The following STARD13 variants were observed in gnomAD, a reference collection of about 807,000 sequenced individuals.
STARD13 encodes the protein stAR-related lipid transfer protein 13.
In STARD13, 62 loss-of-function variants were observed where a neutral mutation model predicts 106.4. That is an observed-to-expected ratio of 0.58 (90% CI 0.48 to 0.72). The LOEUF is 0.72. Among genes scored for constraint, STARD13 ranks in the 30% least tolerant of loss-of-function variants. The probability of loss-of-function intolerance (pLI) is 0.00; values close to 1 mark genes in which losing one functional copy is unlikely to be tolerated. For missense variants in STARD13, 1,387 were observed against 1,424.0 expected (o/e 0.97, Z 0.42); for synonymous variants, 565 against 553.0 (o/e 1.02, Z -0.31).
chr13:33,129,529 C>A lies in STARD13; in HGVS notation c.1148G>T (p.Arg383Leu). Reference protein sequence around the residue: ...TALPDAGDQSRMHEFHSQENL... With the variant: ...TALPDAGDQSLMHEFHSQENL... ...CTCTTGGGAGTGAAATTCATGCATA[C>A]GGCTTTGGTCCCCTGCATCCGGCAG... is the stretch of plus-strand genomic sequence containing the variant. Residue 383 changes from arginine to leucine, a missense_variant, in exon 5 of 14, where the codon CGT becomes CTT. Arg to Leu is a moderately radical substitution (Grantham distance 102, BLOSUM62 -2). Transcript: ENST00000336934. 1 of 1,614,190 alleles carries A rather than the reference C, an allele frequency of 6.2e-7. No homozygotes were observed. The highest frequency in any genetic ancestry group is 8.5e-7 in the Non-Finnish European group (1 of 1,180,036).
At chr13:33,325,853 C>T (rs193276333) in intron 1 of STARD13, among the ~76,000 whole-genome samples, 6 of 151,808 alleles carry the variant, frequency 4.0e-5, no homozygotes, top group Non-Finnish European at 5.9e-5. Context: ...GGCATGGTGG[C>T]GGGCGCCTGT....
the STARD13 span, among the ~76,000 whole-genome samples, chr13:33,452,134 C>T: frequency 6.6e-6 from 1 of 152,118 alleles, no homozygotes; most frequent in Admixed American, 6.5e-5. Flanking sequence ...TAGTCAAGAA[C>T]ACAGGTGCAA....
intron 1 of STARD13, among the ~76,000 whole-genome samples, chr13:33,312,947 G>A (rs944847465): frequency 3.3e-5 from 5 of 152,174 alleles, no homozygotes; most frequent in African/African-American, 7.2e-5. Flanking sequence ...ATTGTTCCTA[G>A]GTGATAACAA....
the STARD13 span, among the ~76,000 whole-genome samples, chr13:33,538,564 C>T: frequency 1.3e-5 from 2 of 151,918 alleles, no homozygotes; most frequent in Admixed American, 1.3e-4. Flanking sequence ...CTTAGCCTAG[C>T]TTCCTAATAG....
intron 5 of STARD13, 124 bp downstream of exon 5, chr13:33,128,805 A>C (rs1454329213): frequency 6.4e-6 from 6 of 942,376 alleles, no homozygotes; most frequent in Non-Finnish European, 9.5e-6. Flanking sequence ...TCCTAATCAC[A>C]TACATCACTT....
At chr13:33,412,730 A>G in the STARD13 span, among the ~76,000 whole-genome samples, 2 of 152,224 alleles carry the variant, frequency 1.3e-5, no homozygotes, top group African/African-American at 2.4e-5. Flanking sequence ...GAGGGACACT[A>G]TGTAAAAGGG....
intron 3 of STARD13, among the ~76,000 whole-genome samples, chr13:33,160,222 G>C (rs1275204781): frequency 1.3e-5 from 2 of 152,092 alleles, no homozygotes; most frequent in African/African-American, 4.8e-5. Flanking sequence ...TTTCAATATT[G>C]ATCTGAAATG....
rs144058395 is a variant in STARD13, at chr13:33,109,888, T to A, written c.3032A>T (p.Asp1011Val). Residue 1011 changes from aspartate to valine, a missense_variant, in exon 12 of 14, where the codon GAC (aspartate) becomes GTC (valine). Coordinates refer to ENST00000336934, the MANE Select transcript of STARD13 (RefSeq NM_178006.4). ...LNSMAPHPSRDFVVLRTWKTD... is the reference protein window; with the variant it reads ...LNSMAPHPSRVFVVLRTWKTD... ...TCAGGCTCACCTGAGAACCACAAAG[T>A]CTCTGGAAGGATGGGGAGCCATGCT... 2 of 1,614,174 alleles carry A rather than the reference T, an allele frequency of 1.2e-6. No homozygotes were observed. The highest frequency in any genetic ancestry group is 2.7e-5 in the African/African-American group (2 of 75,036).
the STARD13 span, among the ~76,000 whole-genome samples, chr13:33,436,299 T>G: frequency 6.6e-6 from 1 of 152,236 alleles, no homozygotes; most frequent in South Asian, 2.1e-4. Context: ...ATGAATAGTA[T>G]GTTGTGCACT....
chr13:33,408,875 C>T, the STARD13 span, among the ~76,000 whole-genome samples: 43 of 151,968 alleles, frequency 2.8e-4, no homozygotes, highest in Non-Finnish European at 5.3e-4. Context: ...TTCTCTTTCC[C>T]GAGATATCGG....
At chr13:33,236,009 C>T (rs755919218) in intron 1 of STARD13, among the ~76,000 whole-genome samples, 7 of 152,202 alleles carry the variant, frequency 4.6e-5, no homozygotes, top group African/African-American at 7.2e-5. Flanking sequence ...AATCAGTTTA[C>T]ATAAATACAT....
At chr13:33,534,370 A>G in the STARD13 span, among the ~76,000 whole-genome samples, 1 of 152,196 alleles carries the variant, frequency 6.6e-6, no homozygotes, top group Non-Finnish European at 1.5e-5. Flanking sequence ...AGTTTCCTCT[A>G]AGCAGTTTAA....
chr13:33,192,230 T>C (rs1189125112), intron 1 of STARD13, among the ~76,000 whole-genome samples: 2 of 152,242 alleles, frequency 1.3e-5, no homozygotes, highest in Admixed American at 1.3e-4. Context: ...TTGCAGTACT[T>C]ACTAAACAGG....
At chr13:33,272,450 T>C (rs957743383) in intron 1 of STARD13, 4 of 152,178 alleles carry the variant, frequency 2.6e-5, no homozygotes, top group Non-Finnish European at 5.9e-5. Context: ...AGGCTCAATA[T>C]TGTGGTGAGA....
Position 33,106,903 on chromosome 13 carries a change from A to G in STARD13, c.3079T>C (p.Cys1027Arg). Residue 1027 changes from cysteine (C) to arginine (R), a missense_variant, in exon 13 of 14, where the codon TGT (cysteine) becomes CGT (arginine). Cys to Arg is a radical substitution (Grantham distance 180, BLOSUM62 -3). Transcript: ENST00000336934. ...TWKTDLPKGM[C>R]TLVSLSVEHE... ...TCCACGGAGAGGGACACCAGGGTACACATTCCTTTGGGCAAATCAGTTTTC... is the reference window on the plus strand; with the variant it reads ...TCCACGGAGAGGGACACCAGGGTACGCATTCCTTTGGGCAAATCAGTTTTC... 1 of 1,614,016 alleles carries G rather than the reference A, an allele frequency of 6.2e-7. No individual in the cohort carries two copies. The highest frequency in any genetic ancestry group is 8.5e-7 in the Non-Finnish European group (1 of 1,179,932).
intron 1 of STARD13, among the ~76,000 whole-genome samples, chr13:33,339,803 A>T (rs1337810357): frequency 6.6e-6 from 1 of 152,182 alleles, no homozygotes; most frequent in African/African-American, 2.4e-5. Context: ...GAAAGACACA[A>T]TGGCTGGGCA....
chr13:33,171,144 T>C (rs1381069337), intron 1 of STARD13, among the ~76,000 whole-genome samples: 2 of 152,240 alleles, frequency 1.3e-5, no homozygotes, highest in Non-Finnish European at 2.9e-5. Flanking sequence ...GCCAGCATAA[T>C]ATTATGTAAA....
chr13:33,625,570 A>C, the STARD13 span, among the ~76,000 whole-genome samples: 1 of 152,064 alleles, frequency 6.6e-6, no homozygotes, highest in Non-Finnish European at 1.5e-5. Flanking sequence ...CTGTCTCAAA[A>C]ATAAATAAAT....
At chr13:33,517,617 T>A in the STARD13 span, among the ~76,000 whole-genome samples, 554 of 152,172 alleles carry the variant, frequency 3.6e-3, 2 homozygotes, top group African/African-American at 0.013. Flanking sequence ...CCTCTGATAA[T>A]GTGGAGTTAA....
Sources: gnomAD v4.1 joint callset for allele counts (sites outside exome capture counted in the v4.1 genomes callset) on GRCh38, gnomAD v4.1.1 for gene constraint, MANE v1.5 for transcripts, NCBI Gene and HGNC (gene_info 2026-07-23, HGNC 2026-07-21) for gene names.